Variants in DDX5 observed in about 807,000 individuals in gnomAD.
DDX5 encodes probable ATP-dependent RNA helicase DDX5.
DDX5 carries 6 observed loss-of-function variants against 68.6 expected under a neutral mutation model. That is an observed-to-expected ratio of 0.09 (90% CI 0.05 to 0.17). The LOEUF is 0.17. DDX5 is among the 10% of genes least tolerant of loss of function. The probability of loss-of-function intolerance (pLI) is 1.00; values close to 1 mark genes in which losing one functional copy is unlikely to be tolerated. For missense variants in DDX5, 499 were observed against 756.1 expected (o/e 0.66, Z 3.99); for synonymous variants, 350 against 247.0 (o/e 1.42, Z -3.91).
At chr17:64,506,774 C>A (rs1325480759), upstream of DDX5, 1 of 524,446 alleles carries the variant, frequency 1.9e-6, no homozygotes, top group East Asian at 3.4e-5. Flanking sequence ...GCTGCTCGCA[C>A]CCCGGGACCC....
At chr17:64,502,617 T>TG (rs1452442089) in intron 8 of DDX5, 68 bp from the exon 9 acceptor site, 1 of 1,149,250 alleles carries the variant, frequency 8.7e-7, no homozygotes. Context: ...CACACATTTA[T>TG]GGTCAGCAAA....
In DDX5 at chr17:64,499,692, T is replaced by C; in HGVS notation, c.*231A>G. ...TTATTGTATTTCAAATCACTGTACATTTACTTTTGTGAAAACACTGCCTGC... is the reference window on the plus strand; with the variant it reads ...TTATTGTATTTCAAATCACTGTACACTTACTTTTGTGAAAACACTGCCTGC... On this transcript the variant is annotated 3_prime_UTR_variant, in exon 13 of 13. Transcript: ENST00000225792. 1 of 440,844 alleles carries C rather than the reference T, an allele frequency of 2.3e-6. No individual in the cohort carries two copies. Among genetic ancestry groups the C allele is most frequent in the Non-Finnish European group, 4.0e-6 (1 of 249,548 alleles). The allele number at this position is 440,844 out of a possible 1,614,324, so 27.3% of individuals were successfully genotyped here.
At chr17:64,506,842 G>A (rs146436564), upstream of DDX5, 645 of 601,946 alleles carry the variant, frequency 1.1e-3, 5 homozygotes, top group African/African-American at 0.011. Flanking sequence ...ATCCTTTGAC[G>A]GGTTTTGGTC....
At position 64,506,211 on chromosome 17, in the gene DDX5, C is replaced by T. The variant is rs1179673330; in HGVS notation, c.-92G>A. 5 of 1,563,126 alleles carry T rather than the reference C, an allele frequency of 3.2e-6. No homozygotes were observed. The highest frequency in any genetic ancestry group is 4.3e-6 in the Non-Finnish European group (5 of 1,153,972). ...TGGCCTCGATGACGGCGAAGCCTTG[C>T]GGGGGCGGCAGCGGAGGAAGGACAC... On this transcript the variant is annotated 5_prime_UTR_variant, in exon 1 of 13. Coordinates refer to ENST00000225792, the MANE Select transcript of DDX5 (RefSeq NM_004396.5).
Position 64,500,288 on chromosome 17 carries a change from G to A in DDX5, c.1480C>T (p.Arg494Trp), listed in dbSNP as rs781795667. Residue 494 changes from arginine to tryptophan, a missense_variant, in exon 13 of 13, where the codon CGG (arginine) becomes TGG (tryptophan). Physicochemically the swap from Arg to Trp is moderately radical, Grantham distance 101. Coordinates refer to ENST00000225792, the MANE Select transcript of DDX5 (RefSeq NM_004396.5). Reference sequence around the variant, plus strand: ...CTTTTGCCCGCAGAGTATCTGTCCCGACGGTCATCCTTCATGCCTCCTCTA... The same window carrying A: ...CTTTTGCCCGCAGAGTATCTGTCCCAACGGTCATCCTTCATGCCTCCTCTA... ...RGRGGMKDDR[R>W]DRYSAGKRGG... The A allele has an allele frequency of 5.0e-6, 8 of 1,613,180 alleles. No individual in the cohort carries two copies. Among genetic ancestry groups the A allele is most frequent in the Non-Finnish European group, 6.8e-6 (8 of 1,179,398 alleles).
At chr17:64,505,284 A>G in intron 1 of DDX5, 1 of 307,642 alleles carries the variant, frequency 3.3e-6, no homozygotes, top group Non-Finnish European at 6.1e-6. Context: ...AGTGGTAAGA[A>G]CCTAAACAGT....
intron 1 of DDX5, 199 bp downstream of exon 1, chr17:64,505,877 G>A (rs1026602936): frequency 1.9e-5 from 29 of 1,535,856 alleles, no homozygotes; most frequent in South Asian, 2.4e-5. Flanking sequence ...CAAAAAGCAA[G>A]CTTGAAGACA....
chr17:64,503,825 A>G lies in DDX5; in HGVS notation c.485T>C (p.Leu162Pro). 1 of 1,614,226 alleles carries G rather than the reference A, an allele frequency of 6.2e-7. No individual in the cohort carries two copies. The highest frequency in any genetic ancestry group is 8.5e-7 in the Non-Finnish European group (1 of 1,180,034). Residue 162 changes from leucine (L) to proline (P), a missense_variant, in exon 5 of 13, where the codon CTA (leucine) becomes CCA (proline). Leu to Pro is a moderately conservative substitution (Grantham distance 98). Around this residue, in one of 5 missense-constraint regions of DDX5, gnomAD observed 141 missense variants for 279.8 expected, o/e 0.50. Coordinates refer to ENST00000225792, the MANE Select transcript of DDX5 (RefSeq NM_004396.5). ...TACAATAGGCCCATCGCCTCTCTCT[A>G]GGAATGGCTGATGATTGATGTGGAC... Reference protein sequence around the residue: ...AIVHINHQPFLERGDGPICLV... With the variant: ...AIVHINHQPFPERGDGPICLV...
At chr17:64,503,895 CAG>C (rs782749975) in intron 4 of DDX5, 27 bp from the exon 5 acceptor site, 16 of 1,613,870 alleles carry the variant, frequency 9.9e-6, no homozygotes, top group Admixed American at 3.3e-5. Flanking sequence ...TGGGGACAAA[CAG>C]AAATCACATT....
intron 11 of DDX5, 55 bp downstream of exon 11, chr17:64,501,955 A>G: frequency 6.4e-7 from 1 of 1,560,472 alleles, no homozygotes; most frequent in South Asian, 1.2e-5. Flanking sequence ...TTCTTTAAAA[A>G]AGTTAAATGG....
chr17:64,501,179 A>T (rs2038289440), intron 11 of DDX5: 1 of 191,772 alleles, frequency 5.2e-6, no homozygotes, highest in Admixed American at 5.6e-5. Flanking sequence ...CCTTTGCATT[A>T]CACATTCATC....
chr17:64,499,868 A>C lies in DDX5; in HGVS notation c.*55T>G. 6.8e-7 allele frequency: 1 copy of C among 1,461,578 alleles called. No homozygotes were observed. The highest frequency in any genetic ancestry group is 9.1e-7 in the Non-Finnish European group (1 of 1,093,580). The allele number at this position is 1,461,578 out of a possible 1,614,324, so 90.5% of individuals were successfully genotyped here. On this transcript the variant is annotated 3_prime_UTR_variant, in exon 13 of 13. Transcript: ENST00000225792. ...TTAAATAACTATCTTGTCAGATAAC[A>C]CACAATATAAAGAGCAATTATGAAA...
chr17:64,506,019 G>GGGCCCCCCCCCCCCCCCCC, intron 1 of DDX5, 57 bp downstream of exon 1: 3 of 1,360,378 alleles, frequency 2.2e-6, no homozygotes, highest in Non-Finnish European at 2.0e-6. Flanking sequence ...CCGCCACCCT[G>GGGCCCCCCCCCCCCCCCCC]ACCCGCCCTC....
chr17:64,504,166 G>A (rs782798910), intron 3 of DDX5, 50 bp from the exon 4 acceptor site: 3 of 1,612,682 alleles, frequency 1.9e-6, no homozygotes, highest in East Asian at 2.2e-5. Flanking sequence ...CCAAGAAAAA[G>A]AGGGGGTAGG....
rs146006180 is a variant in DDX5 at position 64,504,249 on chromosome 17, G to T, written c.280C>A (p.Leu94Ile). 2.2e-5 allele frequency: 35 copies of T among 1,614,016 alleles called. No homozygotes were observed. The Admixed American group carries it at 3.2e-4, about 15-fold the overall frequency. Reference protein sequence around the residue: ...VRGHNCPKPVLNFYEANFPAN... With the variant: ...VRGHNCPKPVINFYEANFPAN... ...GGGAAATTGGCTTCATAAAAATTTA[G>T]AACTGGCTTCGGGCAGTTGTGACCT... Residue 94 changes from leucine to isoleucine, a missense_variant, in exon 3 of 13, where the codon CTA (leucine) becomes ATA (isoleucine). By Grantham distance (5) the Leu-to-Ile change is conservative. This residue lies in a region of DDX5 where 140 missense variants were observed against 135.7 expected (regional missense o/e 1.03). Coordinates refer to ENST00000225792, the MANE Select transcript of DDX5 (RefSeq NM_004396.5).
chr17:64,503,305 A>G lies in DDX5; in HGVS notation c.693T>C (p.Phe231=). 3.7e-6 allele frequency: 6 copies of G among 1,614,258 alleles called. No homozygotes were observed. The highest frequency in any genetic ancestry group is 5.1e-6 in the Non-Finnish European group (6 of 1,180,048). ...CIATPGRLID[F]LECGKTNLRR... ...TCAGATTGGTTTTTCCACACTCTAA[A>G]AAGTCAATCAGTCTTCCAGGTGTTG... is the stretch of plus-strand genomic sequence containing the variant. The change falls in exon 7 of 13, where the codon TTT becomes TTC. Residue 231 remains phenylalanine, a synonymous_variant. Transcript: ENST00000225792.
intron 2 of DDX5, 39 bp downstream of exon 2, chr17:64,504,628 GAATCCACGAT>G: frequency 6.5e-7 from 1 of 1,545,088 alleles, no homozygotes; most frequent in Non-Finnish European, 8.7e-7. Context: ...TCATTTACTA[GAATCCACGAT>G]CGAGTTACAG....
At position 64,499,894 on chromosome 17, in the gene DDX5, AACAG is replaced by A; in HGVS notation, c.*25_*28del. 6.6e-7 allele frequency: 1 copy of A among 1,525,520 alleles called. No individual in the cohort carries two copies. The highest frequency in any genetic ancestry group is 1.4e-5 in the African/African-American group (1 of 72,410). 94.5% of individuals were successfully genotyped at this position (1,525,520 alleles called of 1,614,324 possible). ...CACAATATAAAGAGCAATTATGAAA[AACAG>A]ACATTTACATATACTTCTAAAGTCT... On this transcript the variant is annotated 3_prime_UTR_variant, in exon 13 of 13. Coordinates refer to ENST00000225792, the MANE Select transcript of DDX5 (RefSeq NM_004396.5).
intron 11 of DDX5, 90 bp downstream of exon 11, chr17:64,501,920 T>A: frequency 7.5e-7 from 1 of 1,340,350 alleles, no homozygotes; most frequent in Non-Finnish European, 1.1e-6. Context: ...TTAGAAAAAA[T>A]GCAGGTTAAA....
Sources: allele counts gnomAD v4.1 joint callset, GRCh38; gene constraint gnomAD v4.1.1; regional missense constraint gnomAD v4.1.1; transcripts MANE v1.5; gene names NCBI Gene and HGNC (gene_info 2026-07-23, HGNC 2026-07-21).